The following TEKT5 variants were observed in gnomAD, a reference collection of about 807,000 sequenced individuals.
TEKT5 encodes tektin 5, also known as tektin-5.
A neutral mutation model predicts 48.7 loss-of-function variants in TEKT5; 52 were observed. That is an observed-to-expected ratio of 1.07 (90% confidence interval 0.86 to 1.35). TEKT5 has a LOEUF of 1.35. Among genes scored for constraint, TEKT5 ranks in the 40% most tolerant of loss-of-function variants. TEKT5 has a pLI of 0.00. For missense variants in TEKT5, 831 were observed against 641.6 expected (o/e 1.30, Z -3.19); for synonymous variants, 318 against 267.6 (o/e 1.19, Z -1.84).
chr16:10,641,287 G>A (rs1308966481), intron 5 of TEKT5, among the ~76,000 whole-genome samples: 2 of 152,160 alleles, frequency 1.3e-5, no homozygotes, highest in African/African-American at 4.8e-5. Context: ...GCAGGTTGTG[G>A]TGGGGCCTGA....
chr16:10,677,610 C>A (rs899589794), intron 4 of TEKT5, among the ~76,000 whole-genome samples: 10 of 146,056 alleles, frequency 6.8e-5, no homozygotes, highest in South Asian at 2.2e-4. Context: ...CCCTGTCCCC[C>A]CCAACAAAAA....
intron 5 of TEKT5, among the ~76,000 whole-genome samples, chr16:10,668,469 G>T (rs1366150866): frequency 6.6e-6 from 1 of 152,160 alleles, no homozygotes; most frequent in African/African-American, 2.4e-5. Context: ...TTGGCTGCAG[G>T]CTCCAGTGCT....
intron 6 of TEKT5, among the ~76,000 whole-genome samples, chr16:10,628,235 C>T (rs1897784596): frequency 6.6e-6 from 1 of 152,178 alleles, no homozygotes; most frequent in Non-Finnish European, 1.5e-5. Flanking sequence ...GCAAGACAGG[C>T]AAGGCTCGGC....
chr16:10,694,622 T>C lies in TEKT5; in HGVS notation c.252A>G (p.Ala84=), dbSNP rs1467062874. The C allele has an allele frequency of 1.5e-5, 24 of 1,611,910 alleles. No homozygotes were observed. The highest frequency in any genetic ancestry group is 2.2e-5 in the East Asian group (1 of 44,858). Reference sequence around the variant, plus strand: ...CGTGGGGGCTATAGCGAGAGAAGAGTGCGGAGCGCAGTGTGGGCAGGATGG... The same window carrying C: ...CGTGGGGGCTATAGCGAGAGAAGAGCGCGGAGCGCAGTGTGGGCAGGATGG... ...PPTILPTLRS[A]LFSRYSPHDW... Residue 84 remains alanine, a synonymous_variant, in exon 1 of 7, where the codon GCA becomes GCG. Coordinates refer to ENST00000283025, the MANE Select transcript of TEKT5 (RefSeq NM_144674.2).
chr16:10,659,254 T>C (rs898389140), intron 5 of TEKT5, among the ~76,000 whole-genome samples: 5 of 152,374 alleles, frequency 3.3e-5, no homozygotes, highest in African/African-American at 4.8e-5. Flanking sequence ...CCCAGATTAA[T>C]GCAGTCAAAT....
chr16:10,684,246 G>T (rs999577595), intron 3 of TEKT5, among the ~76,000 whole-genome samples: 1 of 152,262 alleles, frequency 6.6e-6, no homozygotes, highest in East Asian at 1.9e-4. Context: ...TAAACCGAGT[G>T]TATCTGTTCT....
In TEKT5 at chr16:10,694,352, C is replaced by T. The variant is rs1319988588; in HGVS notation, c.522G>A (p.Arg174=). The change falls in exon 1 of 7, where the codon AGG becomes AGA. Residue 174 remains arginine (R), a synonymous_variant. Coordinates refer to ENST00000283025, the MANE Select transcript of TEKT5 (RefSeq NM_144674.2). ...TENQNLETVK[R]RLECAANEVN... ...CCTCATTGGCCGCGCACTCCAGCCG[C>T]CTCTTGACCGTCTCCAAGTTCTGGT... 6.2e-7 allele frequency: 1 copy of T among 1,612,550 alleles called. No homozygotes were observed. The highest frequency in any genetic ancestry group is 8.5e-7 in the Non-Finnish European group (1 of 1,179,214).
chr16:10,659,170 C>T (rs548455364), intron 5 of TEKT5, among the ~76,000 whole-genome samples: 1 of 152,334 alleles, frequency 6.6e-6, no homozygotes, highest in East Asian at 1.9e-4. Flanking sequence ...ATAATCACCC[C>T]ATGACTGAGA....
At chr16:10,629,997 G>A (rs1049082898) in intron 6 of TEKT5, among the ~76,000 whole-genome samples, 2 of 152,084 alleles carry the variant, frequency 1.3e-5, no homozygotes, top group Non-Finnish European at 1.5e-5. Context: ...GTGCAGTGGT[G>A]CAGTCAAAGC....
At chr16:10,678,853 C>T (rs979398144) in intron 4 of TEKT5, among the ~76,000 whole-genome samples, 12 of 152,210 alleles carry the variant, frequency 7.9e-5, no homozygotes, top group African/African-American at 2.7e-4. Context: ...TTGCCAAAGA[C>T]AGTCTGCCTC....
intron 5 of TEKT5, among the ~76,000 whole-genome samples, chr16:10,641,175 T>G (rs1897989459): frequency 6.6e-6 from 1 of 152,176 alleles, no homozygotes; most frequent in Non-Finnish European, 1.5e-5. Context: ...CTCATGAACA[T>G]GTAGTGGTAT....
chr16:10,663,588 A>ACC (rs1297739386), intron 5 of TEKT5, among the ~76,000 whole-genome samples: 2 of 152,138 alleles, frequency 1.3e-5, no homozygotes, highest in African/African-American at 2.4e-5. Flanking sequence ...AGCGCTCCGG[A>ACC]GGGACCCGGT....
rs546839377 is a variant in TEKT5 at position 10,637,228 on chromosome 16, G to T, written c.1087-1310C>A. Among the ~76,000 whole-genome samples the T allele has an allele frequency of 1.4e-4, 22 of 151,762 alleles. 2 individuals are homozygous for T. The South Asian group carries it at 4.6e-3, about 32-fold the overall frequency. The stretch of plus-strand genomic sequence containing the variant: ...TTTTTGTATTTTTAGTACAGATGGG[G>T]TTTCGCCATGTTGGCCAGGCTTGTC... On this transcript the variant is annotated intron_variant, in intron 5 of 6. Coordinates refer to ENST00000283025, the MANE Select transcript of TEKT5 (RefSeq NM_144674.2).
rs183593086 is a variant in TEKT5, at chr16:10,647,088, A to C, written c.1087-11170T>G. 7.9e-5 allele frequency among the ~76,000 whole-genome samples: 12 copies of C among 152,250 alleles called. No individual in the cohort carries two copies. The East Asian group carries it at 2.3e-3, about 29-fold the overall frequency. ...TGCCCAGTGTTTGCCCTGTCATGGA[A>C]AACAGCCCCTACCATCTAGGCGTCC... On this transcript the variant is annotated intron_variant, in intron 5 of 6. Transcript: ENST00000283025.
chr16:10,678,677 G>A (rs2142304583), intron 4 of TEKT5, among the ~76,000 whole-genome samples: 1 of 152,314 alleles, frequency 6.6e-6, no homozygotes, highest in African/African-American at 2.4e-5. Context: ...AAGGACAGCA[G>A]AGAGAAACAT....
chr16:10,642,807 G>T lies in TEKT5; in HGVS notation c.1087-6889C>A, dbSNP rs1898014015. Among the ~76,000 whole-genome samples, 3 of 151,614 alleles carry T rather than the reference G, an allele frequency of 2.0e-5. No homozygotes were observed. In the South Asian group the frequency reaches 6.3e-4, roughly 32 times the overall value. On this transcript the variant is annotated intron_variant, in intron 5 of 6. Coordinates refer to ENST00000283025, the MANE Select transcript of TEKT5 (RefSeq NM_144674.2). ...GTTGATCTCATAGAAGTAAACAGTA[G>T]AACAGAGGATACTACAGGCTGGGAA...
intron 5 of TEKT5, among the ~76,000 whole-genome samples, chr16:10,656,394 G>A (rs529034591): frequency 6.6e-6 from 1 of 152,132 alleles, no homozygotes; most frequent in African/African-American, 2.4e-5. Flanking sequence ...TGGGACTACA[G>A]GCGTGTGCCA....
intron 5 of TEKT5, among the ~76,000 whole-genome samples, chr16:10,667,074 C>T (rs1241254357): frequency 6.6e-6 from 1 of 151,260 alleles, no homozygotes; most frequent in East Asian, 1.9e-4. Flanking sequence ...GCCTTGGCCT[C>T]CTGGGCTCAA....
intron 5 of TEKT5, among the ~76,000 whole-genome samples, chr16:10,658,874 C>A (rs1898311463): frequency 6.6e-6 from 1 of 152,136 alleles, no homozygotes. Context: ...TGCGCCACCA[C>A]ACCCGGTTAA....
Sources: allele counts gnomAD v4.1 joint callset (sites outside exome capture counted in the v4.1 genomes callset), GRCh38; gene constraint gnomAD v4.1.1; transcripts MANE v1.5; gene names NCBI Gene and HGNC (gene_info 2026-07-23, HGNC 2026-07-21).